ZCCHC24: variants seen among roughly 807,000 people sequenced by gnomAD.
The protein encoded by ZCCHC24 is zinc finger CCHC domain-containing protein 24.
A neutral mutation model predicts 26.2 loss-of-function variants in ZCCHC24; 10 were observed. The ratio of observed to expected loss-of-function variants is 0.38; its 90% CI spans 0.24 to 0.65. The LOEUF (loss-of-function observed/expected upper bound fraction) is 0.65. ZCCHC24 is among the 30% of genes least tolerant of loss of function. The probability of loss-of-function intolerance (pLI) is 0.54; values close to 1 mark genes in which losing one functional copy is unlikely to be tolerated. For missense variants in ZCCHC24, 243 were observed against 329.1 expected (o/e 0.74, Z 2.03); for synonymous variants, 144 against 147.1 (o/e 0.98, Z 0.15).
At position 79,385,946 on chromosome 10, in the gene ZCCHC24, C is replaced by T; in HGVS notation, c.*399G>A. 2.4e-6 allele frequency: 1 copy of T among 419,916 alleles called. No individual in the cohort carries two copies. Among genetic ancestry groups the T allele is most frequent in the Non-Finnish European group, 4.2e-6 (1 of 236,712 alleles). 26.0% of individuals were successfully genotyped at this position (419,916 alleles called of 1,614,324 possible). A position where few individuals can be genotyped will look rare whatever the true frequency, so the allele number is the denominator to read the frequency against. On this transcript the variant is annotated 3_prime_UTR_variant, in exon 4 of 4. Transcript: ENST00000372336. The surrounding 1 kb of genome is among the most constrained non-coding windows in gnomAD (Gnocchi z 4.3). The stretch of plus-strand genomic sequence containing the variant: ...TTCTGGGTGGGGGCAGGCGGCCTGG[C>T]TGGTCTGGGGAGGTTTGGGATTCAC...
chr10:79,399,677 T>C (rs1047536983), intron 2 of ZCCHC24, among the ~76,000 whole-genome samples: 1 of 151,860 alleles, frequency 6.6e-6, no homozygotes, highest in African/African-American at 2.4e-5. Context: ...GAGGGCAGCC[T>C]GGGAAGTGGG....
chr10:79,403,769 C>G (rs1273338504), intron 2 of ZCCHC24, among the ~76,000 whole-genome samples: 4 of 152,088 alleles, frequency 2.6e-5, no homozygotes, highest in Non-Finnish European at 5.9e-5. Context: ...AAAGCCACCA[C>G]AAAAATGCCA....
At chr10:79,426,681 C>T (rs1195095192) in intron 2 of ZCCHC24, among the ~76,000 whole-genome samples, 1 of 151,736 alleles carries the variant, frequency 6.6e-6, no homozygotes, top group African/African-American at 2.4e-5. Context: ...ACTCACAAAA[C>T]ATAGTGAAAA....
chr10:79,400,420 C>T (rs1223993937), intron 2 of ZCCHC24, among the ~76,000 whole-genome samples: 2 of 152,096 alleles, frequency 1.3e-5, no homozygotes, highest in African/African-American at 2.4e-5. Flanking sequence ...GATTTTTGTT[C>T]GGGGTTTGGG....
At chr10:79,431,130 G>A (rs1857121175) in intron 2 of ZCCHC24, among the ~76,000 whole-genome samples, 1 of 152,220 alleles carries the variant, frequency 6.6e-6, no homozygotes, top group Non-Finnish European at 1.5e-5. Context: ...GGGGATGAGG[G>A]AGGGCTGCTG....
In ZCCHC24 at chr10:79,432,612, G is replaced by A. The variant is rs1271584508; in HGVS notation, c.393C>T (p.Asn131=). 1 of 1,608,434 alleles carries A rather than the reference G, an allele frequency of 6.2e-7. No homozygotes were observed. Among genetic ancestry groups the A allele is most frequent in the Non-Finnish European group, 8.5e-7 (1 of 1,177,354 alleles). Reference sequence around the variant, plus strand: ...TGTTGAAGCACAGGTGGCACAGGTAGTTGGGTGGGGGCCGCTTGCTGGGCT... The same window carrying A: ...TGTTGAAGCACAGGTGGCACAGGTAATTGGGTGGGGGCCGCTTGCTGGGCT... ...ARKPSKRPPP[N]YLCHLCFNKG... The change falls in exon 2 of 4, where the codon AAC becomes AAT. Residue 131 remains asparagine, a synonymous_variant. Transcript: ENST00000372336.
Position 79,445,330 on chromosome 10 carries a change from G to A in ZCCHC24, c.111C>T (p.Phe37=). 6.6e-7 allele frequency: 1 copy of A among 1,525,932 alleles called. No homozygotes were observed. 94.5% of individuals were successfully genotyped at this position (1,525,932 alleles called of 1,614,324 possible). The change falls in exon 1 of 4, where the codon TTC becomes TTT. Residue 37 remains phenylalanine (F), a synonymous_variant. Coordinates refer to ENST00000372336, the MANE Select transcript of ZCCHC24 (RefSeq NM_153367.4). ...CGGTCGGCTCGGGCCGGAAGGCATC[G>A]AAGGCGCTAGCCTGGTGCGTGTCCT... ...SLQDTHQASA[F]DAFRPEPTAG... is the part of the protein sequence containing the mutation.
At chr10:79,425,764 G>A (rs1001849184) in intron 2 of ZCCHC24, among the ~76,000 whole-genome samples, 1 of 152,200 alleles carries the variant, frequency 6.6e-6, no homozygotes, top group African/African-American at 2.4e-5. Context: ...TAAACTCAGT[G>A]CTTAGAAGCT....
intron 2 of ZCCHC24, among the ~76,000 whole-genome samples, chr10:79,414,417 A>G (rs992346893): frequency 6.6e-6 from 1 of 152,198 alleles, no homozygotes; most frequent in African/African-American, 2.4e-5. Flanking sequence ...ATAGAATCTC[A>G]CACTCTTAAA....
At position 79,384,829 on chromosome 10, in the gene ZCCHC24, T is replaced by C. The variant is rs534199043; in HGVS notation, c.*1516A>G. ...ATTTCTTGGTCTGATTTTTTTTTTT[T>C]CCCACAGAGGCATAATGTAGGGGCA... On this transcript the variant is annotated 3_prime_UTR_variant, in exon 4 of 4. Coordinates refer to ENST00000372336, the MANE Select transcript of ZCCHC24 (RefSeq NM_153367.4). 15 of 151,982 alleles carry C rather than the reference T, an allele frequency of 9.9e-5. No individual in the cohort carries two copies. Among genetic ancestry groups the C allele is most frequent in the Middle Eastern group, 3.4e-3 (1 of 294 alleles). 9.4% of individuals were successfully genotyped at this position (151,982 alleles called of 1,614,324 possible). A position where few individuals can be genotyped will look rare whatever the true frequency, so the allele number is the denominator to read the frequency against.
chr10:79,389,848 T>G (rs1308612817), intron 3 of ZCCHC24, among the ~76,000 whole-genome samples: 1 of 152,098 alleles, frequency 6.6e-6, no homozygotes, highest in African/African-American at 2.4e-5. Context: ...GCTCCTGACC[T>G]CAAGTGATCC....
intron 2 of ZCCHC24, among the ~76,000 whole-genome samples, chr10:79,407,493 C>T (rs900311298): frequency 1.3e-5 from 2 of 152,258 alleles, no homozygotes; most frequent in Admixed American, 1.3e-4. Context: ...CACGCTGCTG[C>T]CCTGGCCCCA....
At chr10:79,444,321 A>AG in intron 1 of ZCCHC24, 1 of 1,339,354 alleles carries the variant, frequency 7.5e-7, no homozygotes, top group Non-Finnish European at 9.6e-7. Flanking sequence ...CTCTTCAAAA[A>AG]GGGCTGGGAG....
rs571911703 is a variant in ZCCHC24 at position 79,382,415 on chromosome 10, A to G, written c.*3930T>C. On this transcript the variant is annotated 3_prime_UTR_variant, in exon 4 of 4. Coordinates refer to ENST00000372336, the MANE Select transcript of ZCCHC24 (RefSeq NM_153367.4). ...CAGATTCTCCAGGAATAAGGCACACAACGGAATGCCATCCCAAGGGCTGCA... is the reference window on the plus strand; with the variant it reads ...CAGATTCTCCAGGAATAAGGCACACGACGGAATGCCATCCCAAGGGCTGCA... 1.3e-5 allele frequency: 2 copies of G among 152,948 alleles called. No individual in the cohort carries two copies. The highest frequency in any genetic ancestry group is 2.1e-4 in the South Asian group (1 of 4,832). 9.5% of individuals were successfully genotyped at this position (152,948 alleles called of 1,614,324 possible).
chr10:79,418,853 A>AG (rs1193127752), intron 2 of ZCCHC24, among the ~76,000 whole-genome samples: 2 of 152,132 alleles, frequency 1.3e-5, no homozygotes, highest in African/African-American at 4.8e-5. Flanking sequence ...TAGGGTTCAG[A>AG]GAGGAGAGCT....
At chr10:79,433,721 G>A (rs1193618456) in intron 1 of ZCCHC24, among the ~76,000 whole-genome samples, 2 of 152,166 alleles carry the variant, frequency 1.3e-5, no homozygotes, top group Non-Finnish European at 2.9e-5. Context: ...TGCGGACCTT[G>A]GGGGGCCTTG....
At chr10:79,439,501 C>A in intron 1 of ZCCHC24, among the ~76,000 whole-genome samples, 1 of 152,168 alleles carries the variant, frequency 6.6e-6, no homozygotes, top group East Asian at 1.9e-4. Flanking sequence ...ATGTCCTGCA[C>A]GCTAAGAACC....
intron 1 of ZCCHC24, among the ~76,000 whole-genome samples, chr10:79,435,925 C>T (rs928607197): frequency 6.7e-6 from 1 of 150,326 alleles, no homozygotes; most frequent in Non-Finnish European, 1.5e-5. Context: ...CTCTATCCCC[C>T]TCCTGCTCGG....
intron 3 of ZCCHC24, among the ~76,000 whole-genome samples, chr10:79,387,275 G>C (rs1228061822): frequency 2.0e-5 from 3 of 152,182 alleles, no homozygotes; most frequent in Admixed American, 1.3e-4. Context: ...TATCTGTGAA[G>C]TGGGCCATTC....
Sources: gnomAD v4.1 joint callset for allele counts (sites outside exome capture counted in the v4.1 genomes callset) on GRCh38, gnomAD v4.1.1 for gene constraint, Gnocchi (gnomAD v3.1) non-coding constraint, MANE v1.5 for transcripts, NCBI Gene and HGNC (gene_info 2026-07-23, HGNC 2026-07-21) for gene names.